ZNF429: variants seen among roughly 807,000 people sequenced by gnomAD.
The protein encoded by ZNF429 is zinc finger protein 429.
ZNF429 carries 53 observed loss-of-function variants against 56.8 expected under a neutral mutation model. The observed-to-expected ratio is 0.93, with a 90% CI of 0.75 to 1.17. The LOEUF is 1.17. Among genes scored for constraint, ZNF429 ranks in the 50% most tolerant of loss-of-function variants. ZNF429 has a pLI of 0.00. For missense variants in ZNF429, 849 were observed against 788.4 expected (o/e 1.08, Z -0.92); for synonymous variants, 278 against 264.7 (o/e 1.05, Z -0.49).
rs1433474032 is a variant in ZNF429, at chr19:21,536,343, A to G, written c.290A>G (p.Lys97Arg). 1 of 1,611,284 alleles carries G rather than the reference A, an allele frequency of 6.2e-7. No individual in the cohort carries two copies. The highest frequency in any genetic ancestry group is 1.3e-5 in the African/African-American group (1 of 74,720). ...CAAGACATAAAAGATTCTTTCCAAAAAGTGACACTGAGGAGATATGATAAA... is the reference window on the plus strand; with the variant it reads ...CAAGACATAAAAGATTCTTTCCAAAGAGTGACACTGAGGAGATATGATAAA... ...PEQDIKDSFQ[K>R]VTLRRYDKRG... The change falls in exon 4 of 4, where the codon AAA becomes AGA. Residue 97 changes from lysine (K) to arginine (R), a missense_variant. Physicochemically the swap from Lys to Arg is conservative, Grantham distance 26. Coordinates refer to ENST00000358491, the MANE Select transcript of ZNF429 (RefSeq NM_001001415.4).
chr19:21,529,938 C>T, intron 2 of ZNF429, among the ~76,000 whole-genome samples, 154 bp downstream of exon 2: 2 of 152,170 alleles, frequency 1.3e-5, no homozygotes, highest in African/African-American at 4.8e-5. Flanking sequence ...TGGCTCACGC[C>T]TGTAATCCCA....
rs750952857 is a variant in ZNF429, at chr19:21,537,498, A to C, written c.1445A>C (p.Lys482Thr). The C allele has an allele frequency of 5.6e-6, 9 of 1,613,726 alleles. No individual in the cohort carries two copies. The highest frequency in any genetic ancestry group is 7.6e-6 in the Non-Finnish European group (9 of 1,179,978). Residue 482 changes from lysine to threonine, a missense_variant, in exon 4 of 4, where the codon AAA (lysine) becomes ACA (threonine). Coordinates refer to ENST00000358491, the MANE Select transcript of ZNF429 (RefSeq NM_001001415.4). ...ATTCATACTGGAGAGAAACCCTACA[A>C]ATGTGAAGAATGTGGCAAAGCCTTT... The part of the protein sequence containing the change: ...RRIHTGEKPY[K>T]CEECGKAFKQ...
chr19:21,535,420 CTTTCTTT>C, intron 3 of ZNF429, among the ~76,000 whole-genome samples: 1 of 6,348 alleles, frequency 1.6e-4, no homozygotes, highest in Non-Finnish European at 5.1e-4. Context: ...TCTTTTCTTT[CTTTCTTT>C]CTTTCTTTCT....
intron 3 of ZNF429, among the ~76,000 whole-genome samples, chr19:21,535,820 A>G: frequency 6.6e-6 from 1 of 152,078 alleles, no homozygotes; most frequent in African/African-American, 2.4e-5. Flanking sequence ...ACCAAAGTAT[A>G]CCACCATTTC....
At chr19:21,523,106 A>G (rs991226336) in intron 1 of ZNF429, among the ~76,000 whole-genome samples, 1 of 152,132 alleles carries the variant, frequency 6.6e-6, no homozygotes, top group African/African-American at 2.4e-5. Flanking sequence ...ACCAAATCAG[A>G]GTAACACGTG....
At chr19:21,535,562 TG>T in intron 3 of ZNF429, among the ~76,000 whole-genome samples, 1 of 150,490 alleles carries the variant, frequency 6.6e-6, no homozygotes, top group Non-Finnish European at 1.5e-5. Context: ...TTGCCCAGGC[TG>T]GAGTGCAGTG....
intron 1 of ZNF429, chr19:21,521,697 A>G (rs2032990280): frequency 2.0e-5 from 3 of 152,886 alleles, no homozygotes; most frequent in African/African-American, 4.8e-5. Flanking sequence ...CAGAAGGCCT[A>G]TTCATATCCT....
At chr19:21,505,896 C>T in intron 1 of ZNF429, 122 bp downstream of exon 1, 1 of 1,118,212 alleles carries the variant, frequency 8.9e-7, no homozygotes, top group Non-Finnish European at 1.3e-6. Context: ...CGGAATTCTC[C>T]TTGCCCAGCT....
chr19:21,535,787 A>G, intron 3 of ZNF429, among the ~76,000 whole-genome samples: 1 of 152,040 alleles, frequency 6.6e-6, no homozygotes, highest in African/African-American at 2.4e-5. Context: ...TGCTGGGATT[A>G]CAGGCATGAG....
At chr19:21,520,688 A>C (rs1319613647) in intron 1 of ZNF429, among the ~76,000 whole-genome samples, 1 of 152,230 alleles carries the variant, frequency 6.6e-6, no homozygotes, top group Non-Finnish European at 1.5e-5. Flanking sequence ...GAAAATACTA[A>C]GTTCCTTTGA....
rs1192971481 is a variant in ZNF429 at position 21,516,242 on chromosome 19, C to CATT, written c.3+10484_3+10486dup. Among the ~76,000 whole-genome samples the CATT allele has an allele frequency of 3.0e-3, 458 of 151,476 alleles. 2 individuals carry two copies. The highest frequency in any genetic ancestry group is 0.01 in the African/African-American group (418 of 41,276). On this transcript the variant is annotated intron_variant, in intron 1 of 3. Transcript: ENST00000358491. ...TGCCACTATGCTCTGCTATCATCAT[C>CATT]ATTATTATTATTATTATTGTATTTT...
chr19:21,506,798 T>A (rs2032193094), intron 1 of ZNF429, among the ~76,000 whole-genome samples: 1 of 140,694 alleles, frequency 7.1e-6, no homozygotes, highest in African/African-American at 2.7e-5. Context: ...AGATGGAGTT[T>A]CCCTCTTCTT....
In ZNF429 at chr19:21,537,594, G is replaced by A. The variant is rs766927375; in HGVS notation, c.1541G>A (p.Cys514Tyr). ...SGEKPYKCEE[C>Y]GKAFILSSRL... ...GAGAAACCCTACAAATGTGAAGAAT[G>A]TGGCAAAGCTTTTATCCTGTCCTCA... Residue 514 changes from cysteine (C) to tyrosine (Y), a missense_variant, in exon 4 of 4, where the codon TGT becomes TAT. Physicochemically the swap from Cys to Tyr is radical, Grantham distance 194 (BLOSUM62 -2). Coordinates refer to ENST00000358491, the MANE Select transcript of ZNF429 (RefSeq NM_001001415.4). 5.6e-6 allele frequency: 9 copies of A among 1,613,588 alleles called. No homozygotes were observed. The highest frequency in any genetic ancestry group is 7.6e-6 in the Non-Finnish European group (9 of 1,179,906).
At chr19:21,506,036 C>T (rs981996687) in intron 1 of ZNF429, 5 of 332,980 alleles carry the variant, frequency 1.5e-5, no homozygotes, top group African/African-American at 8.5e-5. Flanking sequence ...CGCGCAATTC[C>T]GCAGTCTCTC....
intron 1 of ZNF429, among the ~76,000 whole-genome samples, chr19:21,516,010 G>A (rs892673592): frequency 4.6e-4 from 70 of 152,060 alleles, no homozygotes; most frequent in African/African-American, 1.5e-3. Flanking sequence ...TTGAAGTGGG[G>A]TAAAGTGATA....
intron 1 of ZNF429, among the ~76,000 whole-genome samples, chr19:21,524,698 G>A (rs2033102581): frequency 6.6e-6 from 1 of 152,108 alleles, no homozygotes; most frequent in Non-Finnish European, 1.5e-5. Flanking sequence ...TGGGCCATCA[G>A]CACAGGGTCA....
At chr19:21,535,728 C>A in intron 3 of ZNF429, among the ~76,000 whole-genome samples, 16 of 151,662 alleles carry the variant, frequency 1.1e-4, no homozygotes, top group South Asian at 6.2e-4. Context: ...GTTGGCCAGG[C>A]TGGTTTCGAA....
intron 1 of ZNF429, among the ~76,000 whole-genome samples, chr19:21,516,070 A>T (rs971902728): frequency 1.3e-5 from 2 of 150,974 alleles, no homozygotes; most frequent in East Asian, 1.9e-4. Flanking sequence ...AAATTTTTTT[A>T]TTTTTTTTAT....
chr19:21,535,413 TTTCTTTCTTTCTTTC>T, intron 3 of ZNF429, among the ~76,000 whole-genome samples: 1 of 1,544 alleles, frequency 6.5e-4, no homozygotes, highest in Non-Finnish European at 1.2e-3. Context: ...TTCTTTTTCT[TTTCTTTCTTTCTTTC>T]TTTCTTTCTT....
Sources: allele counts gnomAD v4.1 joint callset (sites outside exome capture counted in the v4.1 genomes callset), GRCh38; gene constraint gnomAD v4.1.1; transcripts MANE v1.5; gene names NCBI Gene and HGNC (gene_info 2026-07-23, HGNC 2026-07-21).